MACO1: variants seen among roughly 807,000 people sequenced by gnomAD.
MACO1 encodes the protein macoilin 1.
A neutral mutation model predicts 78.7 loss-of-function variants in MACO1; 14 were observed. The observed-to-expected ratio is 0.18, with a 90% CI of 0.12 to 0.28. The LOEUF is 0.28. Ranked by LOEUF, MACO1 falls within the 10% of genes least tolerant of loss-of-function variation. The probability of loss-of-function intolerance (pLI) is 1.00; values close to 1 mark genes in which losing one functional copy is unlikely to be tolerated. For missense variants in MACO1, 501 were observed against 799.0 expected, an observed-to-expected ratio of 0.63 and a Z score of 4.50; for synonymous variants, 288 against 291.6, an observed-to-expected ratio of 0.99 and a Z score of 0.12.
chr1:25,459,948 A>G (rs568824298), intron 6 of MACO1, among the ~76,000 whole-genome samples: 3 of 152,294 alleles, frequency 2.0e-5, no homozygotes, highest in South Asian at 4.1e-4. Flanking sequence ...CAAGAGGGCA[A>G]TTGAAACTCT....
intron 10 of MACO1, among the ~76,000 whole-genome samples, chr1:25,491,992 G>T (rs932013918): frequency 6.6e-6 from 1 of 152,196 alleles, no homozygotes; most frequent in Non-Finnish European, 1.5e-5. Flanking sequence ...AGGTGGGCCT[G>T]AATGATGAGG....
At chr1:25,452,079 G>C (rs1353568110) in intron 3 of MACO1, among the ~76,000 whole-genome samples, 2 of 151,918 alleles carry the variant, frequency 1.3e-5, no homozygotes, top group Non-Finnish European at 2.9e-5. Context: ...ACTAAGGGAG[G>C]TTCTCCTTAG....
rs1465686281 is a variant in MACO1 at position 25,484,132 on chromosome 1, A to T, written c.1171A>T (p.Lys391Ter). The T allele has an allele frequency of 6.2e-7, 1 of 1,611,356 alleles. No homozygotes were observed. Among genetic ancestry groups the T allele is most frequent in the Non-Finnish European group, 8.5e-7 (1 of 1,179,282 alleles). Residue 391 changes from lysine (K) to a stop codon, truncating the protein, a stop_gained, in exon 7 of 11, where the codon AAA becomes TAA. Coordinates refer to ENST00000374343, the MANE Select transcript of MACO1 (RefSeq NM_018202.6). LOFTEE classifies it high-confidence loss of function. ...DALVRLEQDI[K>*]KLKADLQASR... ...TTCTCCTAGGCTGGAACAAGACATT[A>T]AAAAGTTAAAGGCTGACCTGCAAGC...
rs770639932 is a variant in MACO1, at chr1:25,498,573, C to G, written c.*107C>G. 3 of 1,067,830 alleles carry G rather than the reference C, an allele frequency of 2.8e-6. No individual in the cohort carries two copies. The highest frequency in any genetic ancestry group is 4.1e-6 in the Non-Finnish European group (3 of 734,260). 66.1% of individuals were successfully genotyped at this position (1,067,830 alleles called of 1,614,324 possible). ...ACAGTTTCTATTGTATTTTGTGGAACTGTATCTGTTGTCATTTTTAAAAAG... is the reference window on the plus strand; with the variant it reads ...ACAGTTTCTATTGTATTTTGTGGAAGTGTATCTGTTGTCATTTTTAAAAAG... On this transcript the variant is annotated 3_prime_UTR_variant, in exon 11 of 11. Coordinates refer to ENST00000374343, the MANE Select transcript of MACO1 (RefSeq NM_018202.6).
intron 3 of MACO1, among the ~76,000 whole-genome samples, chr1:25,449,200 A>G (rs2043043306): frequency 6.6e-6 from 1 of 152,180 alleles, no homozygotes; most frequent in South Asian, 2.1e-4. Context: ...TAAAAAAAAA[A>G]TAGTTGGACT....
chr1:25,481,991 A>G (rs1411219698), intron 6 of MACO1, among the ~76,000 whole-genome samples: 2 of 152,184 alleles, frequency 1.3e-5, no homozygotes, highest in African/African-American at 2.4e-5. Flanking sequence ...AAGCTGCCCT[A>G]TGTCAGGCAA....
rs1344393683 is a variant in MACO1, at chr1:25,454,446, G to T, written c.473+64G>T. The stretch of plus-strand genomic sequence containing the variant: ...TGTGTGTATGTATATATATGTGTGT[G>T]TGTGTGTGTGTGTGTGTGTGTGTGT... On this transcript the variant is annotated intron_variant, in intron 4 of 10. Coordinates refer to ENST00000374343, the MANE Select transcript of MACO1 (RefSeq NM_018202.6). The T allele has an allele frequency of 1.8e-5, 3 of 170,610 alleles. No homozygotes were observed. The East Asian group carries it at 6.4e-4, about 36-fold the overall frequency. The allele number at this position is 170,610 out of a possible 1,614,324, so 10.6% of individuals were successfully genotyped here. A position where few individuals can be genotyped will look rare whatever the true frequency, so the allele number is the denominator to read the frequency against.
At chr1:25,440,685 C>G (rs1420414540) in intron 1 of MACO1, among the ~76,000 whole-genome samples, 1 of 149,632 alleles carries the variant, frequency 6.7e-6, no homozygotes, top group Non-Finnish European at 1.5e-5. Context: ...GGGAGAATCA[C>G]TTGAACTGGG....
chr1:25,476,687 G>T (rs913468797), intron 6 of MACO1, among the ~76,000 whole-genome samples: 1 of 152,206 alleles, frequency 6.6e-6, no homozygotes, highest in Non-Finnish European at 1.5e-5. Context: ...CCTTAAACAA[G>T]TCTTGTCTTG....
At chr1:25,483,839 A>G (rs978561416) in intron 6 of MACO1, among the ~76,000 whole-genome samples, 3 of 152,206 alleles carry the variant, frequency 2.0e-5, no homozygotes, top group Non-Finnish European at 4.4e-5. Context: ...CTTTATCAGC[A>G]GCTCGGATGG....
intron 6 of MACO1, among the ~76,000 whole-genome samples, chr1:25,483,554 TG>T (rs2124607110): frequency 6.6e-6 from 1 of 152,332 alleles, no homozygotes; most frequent in South Asian, 2.1e-4. Context: ...TCATTGTTAT[TG>T]AGTCTCGTGA....
intron 1 of MACO1, among the ~76,000 whole-genome samples, chr1:25,442,226 G>T (rs985882821): frequency 6.6e-6 from 1 of 152,206 alleles, no homozygotes; most frequent in African/African-American, 2.4e-5. Context: ...AGCCAGATAA[G>T]GGGCTGAACG....
chr1:25,478,101 C>G (rs142748025), intron 6 of MACO1, among the ~76,000 whole-genome samples: 11,139 of 152,064 alleles, frequency 0.073, 1,333 homozygotes, highest in African/African-American at 0.25. Flanking sequence ...AAACATTAGC[C>G]AGGCATGGTG....
At position 25,500,201 on chromosome 1, in the gene MACO1, C is replaced by G. The variant is rs1571997722; in HGVS notation, c.*1735C>G. The G allele has an allele frequency of 6.6e-6, 1 of 151,758 alleles. No individual in the cohort carries two copies. The highest frequency in any genetic ancestry group is 1.9e-4 in the East Asian group (1 of 5,186). The allele number at this position is 151,758 out of a possible 1,614,324, so 9.4% of individuals were successfully genotyped here. On this transcript the variant is annotated 3_prime_UTR_variant, in exon 11 of 11. Coordinates refer to ENST00000374343, the MANE Select transcript of MACO1 (RefSeq NM_018202.6). ...GTTCAAAAGAATAAACATTTTCTTA[C>G]AGATAAAACTAGTTTTCTGCCTTTT...
At chr1:25,471,061 G>C (rs185942825) in intron 6 of MACO1, among the ~76,000 whole-genome samples, 2 of 151,460 alleles carry the variant, frequency 1.3e-5, no homozygotes, top group Admixed American at 6.6e-5. Flanking sequence ...GGGTAGGGCC[G>C]GGTACGGTGG....
In MACO1 at chr1:25,498,627, T is replaced by C; in HGVS notation, c.*161T>C. On this transcript the variant is annotated 3_prime_UTR_variant, in exon 11 of 11. Transcript: ENST00000374343. ...GGAAAAGATAACATCCAAGTCTGAT[T>C]AGAACTGCCCATCAGTTTTTCTTGT... 1.6e-6 allele frequency: 1 copy of C among 629,324 alleles called. No individual in the cohort carries two copies. Among genetic ancestry groups the C allele is most frequent in the East Asian group, 2.9e-5 (1 of 34,294 alleles). The allele number at this position is 629,324 out of a possible 1,614,324, so 39.0% of individuals were successfully genotyped here. A position where few individuals can be genotyped will look rare whatever the true frequency, so the allele number is the denominator to read the frequency against.
rs746818911 is a variant in MACO1 at position 25,498,562 on chromosome 1, A to G, written c.*96A>G. On this transcript the variant is annotated 3_prime_UTR_variant, in exon 11 of 11. Coordinates refer to ENST00000374343, the MANE Select transcript of MACO1 (RefSeq NM_018202.6). ...AAGATAAAAAAACAGTTTCTATTGT[A>G]TTTTGTGGAACTGTATCTGTTGTCA... 42 of 1,188,854 alleles carry G rather than the reference A, an allele frequency of 3.5e-5. No homozygotes were observed. Among genetic ancestry groups the G allele is most frequent in the Non-Finnish European group, 4.5e-5 (38 of 840,470 alleles). The allele number at this position is 1,188,854 out of a possible 1,614,324, so 73.6% of individuals were successfully genotyped here. A position where few individuals can be genotyped will look rare whatever the true frequency, so the allele number is the denominator to read the frequency against.
chr1:25,442,360 A>G (rs1012921492), intron 1 of MACO1, among the ~76,000 whole-genome samples: 1 of 152,238 alleles, frequency 6.6e-6, no homozygotes, highest in African/African-American at 2.4e-5. Flanking sequence ...CATTACTGAG[A>G]GGACAGGAAA....
intron 6 of MACO1, among the ~76,000 whole-genome samples, chr1:25,461,581 C>G (rs780139595): frequency 6.6e-6 from 1 of 151,464 alleles, no homozygotes; most frequent in South Asian, 2.1e-4. Flanking sequence ...CCTTCCCCCC[C>G]CTCAAAAAAA....
Sources: allele counts gnomAD v4.1 joint callset (sites outside exome capture counted in the v4.1 genomes callset), GRCh38; gene constraint gnomAD v4.1.1; transcripts MANE v1.5; gene names NCBI Gene and HGNC (gene_info 2026-07-23, HGNC 2026-07-21).